Variants in SYT13 observed in about 807,000 individuals in gnomAD.
SYT13 encodes the protein synaptotagmin 13.
SYT13 carries 21 observed loss-of-function variants against 38.6 expected under a neutral mutation model. That is an observed-to-expected ratio of 0.54 (90% CI 0.39 to 0.78). The LOEUF is 0.78. Ranked by LOEUF, SYT13 falls within the 30% of genes least tolerant of loss-of-function variation. The pLI is 0.00. For missense variants in SYT13, 495 were observed against 548.7 expected (o/e 0.90, Z 0.98); for synonymous variants, 241 against 237.6 (o/e 1.01, Z -0.13).
intron 1 of SYT13, among the ~76,000 whole-genome samples, chr11:45,267,498 G>A (rs1854898593): frequency 6.6e-6 from 1 of 152,162 alleles, no homozygotes; most frequent in South Asian, 2.1e-4. Flanking sequence ...TGGGTTCTAG[G>A]TGGAGCCTAA....
Position 45,252,528 on chromosome 11 carries a change from C to A in SYT13, c.739G>T (p.Asp247Tyr), listed in dbSNP as rs771867688. ...GCCACGCTGTGACGGGAGAAGCGGT[C>A]GCAGGTCCTCAAGGTCAGCGTCAGG... ...ATLTLTLRTCDRFSRHSVAGE... is the reference protein window; with the variant it reads ...ATLTLTLRTCYRFSRHSVAGE... The change falls in exon 4 of 6, where the codon GAC (aspartate) becomes TAC (tyrosine). Residue 247 changes from aspartate to tyrosine, a missense_variant. Physicochemically the swap from Asp to Tyr is radical, Grantham distance 160 (BLOSUM62 -3). Transcript: ENST00000020926. The surrounding 1 kb of genome is among the most constrained non-coding windows in gnomAD (Gnocchi z 4.3). The A allele has an allele frequency of 1.9e-6, 3 of 1,614,036 alleles. No individual in the cohort carries two copies. Among genetic ancestry groups the A allele is most frequent in the Non-Finnish European group, 2.5e-6 (3 of 1,180,032 alleles).
At chr11:45,262,454 G>A (rs1046135945) in intron 1 of SYT13, among the ~76,000 whole-genome samples, 6 of 152,226 alleles carry the variant, frequency 3.9e-5, no homozygotes, top group South Asian at 2.1e-4. Flanking sequence ...GGCTGGGCGC[G>A]GTGGCTCATG....
chr11:45,252,706 G>C lies in SYT13; in HGVS notation c.561C>G (p.His187Gln), dbSNP rs200476352. Residue 187 changes from histidine (H) to glutamine (Q), a missense_variant, in exon 4 of 6, where the codon CAC (histidine) becomes CAG (glutamine). His to Gln is a conservative substitution (Grantham distance 24). Coordinates refer to ENST00000020926, the MANE Select transcript of SYT13 (RefSeq NM_020826.3). The surrounding 1 kb of genome is among the most constrained non-coding windows in gnomAD (Gnocchi z 4.3). ...GGACGTAGCAGTCACAGCCTCCGTC[G>C]TGGTTGCTGGTCACAGCTGCAGGCA... The part of the protein sequence containing the change: ...VTRLEAVTSN[H>Q]DGGCDCYVQG... The C allele has an allele frequency of 6.3e-7, 1 of 1,577,790 alleles. No homozygotes were observed. The highest frequency in any genetic ancestry group is 1.7e-5 in the Admixed American group (1 of 57,802).
intron 1 of SYT13, among the ~76,000 whole-genome samples, chr11:45,271,645 G>C (rs1422493150): frequency 6.6e-6 from 1 of 152,218 alleles, no homozygotes; most frequent in Non-Finnish European, 1.5e-5. Flanking sequence ...GTGAGTAGGA[G>C]AATGACATGA....
At position 45,252,727 on chromosome 11, in the gene SYT13, A is replaced by G; in HGVS notation, c.545-5T>C. 1 of 1,563,630 alleles carries G rather than the reference A, an allele frequency of 6.4e-7. No individual in the cohort carries two copies. The highest frequency in any genetic ancestry group is 1.2e-5 in the South Asian group (1 of 84,104). On this transcript the variant is annotated splice_polypyrimidine_tract_variant and splice_region_variant and intron_variant, in intron 3 of 5. Transcript: ENST00000020926. The surrounding 1 kb of genome is among the most constrained non-coding windows in gnomAD (Gnocchi z 4.3). The stretch of plus-strand genomic sequence containing the variant: ...CGTCGTGGTTGCTGGTCACAGCTGC[A>G]GGCAAGGAGAACAACACAGGCGTGG...
At position 45,255,785 on chromosome 11, in the gene SYT13, T is replaced by C. The variant is rs760340667; in HGVS notation, c.290A>G (p.Tyr97Cys). The C allele has an allele frequency of 2.7e-5, 43 of 1,614,066 alleles. No individual in the cohort carries two copies. Among genetic ancestry groups the C allele is most frequent in the Non-Finnish European group, 3.6e-5 (42 of 1,180,040 alleles). The change falls in exon 2 of 6, where the codon TAT becomes TGT. Residue 97 changes from tyrosine (Y) to cysteine (C), a missense_variant. By Grantham distance (194) the Tyr-to-Cys change is radical (BLOSUM62 -2). Transcript: ENST00000020926. ...PAVTAPEVIN[Y>C]ADYSLRSTEE... ...CGTAGACCTCAGTGAATAGTCTGCA[T>C]AGTTGATGACCTCTGGAGCCGTCAC... is the stretch of plus-strand genomic sequence containing the variant.
Position 45,252,586 on chromosome 11 carries a change from G to A in SYT13, c.681C>T (p.Leu227=), listed in dbSNP as rs1328233084. ...LHTTWEEGLV[L]PLAEEELPTA... ...TGGGGAGCTCCTCCTCCGCCAGGGG[G>A]AGCACCAGGCCCTCCTCCCAGGTGG... The change falls in exon 4 of 6, where the codon CTC becomes CTT. Residue 227 remains leucine, a synonymous_variant. Transcript: ENST00000020926. The surrounding 1 kb of genome is among the most constrained non-coding windows in gnomAD (Gnocchi z 4.3). 2.5e-6 allele frequency: 4 copies of A among 1,614,142 alleles called. No individual in the cohort carries two copies. Among genetic ancestry groups the A allele is most frequent in the Non-Finnish European group, 3.4e-6 (4 of 1,180,028 alleles).
Position 45,255,651 on chromosome 11 carries a change from G to C in SYT13, c.409+15C>G, listed in dbSNP as rs568328038. 7.5e-5 allele frequency: 120 copies of C among 1,609,598 alleles called. 1 individual carries two copies. In the South Asian group the frequency reaches 1.3e-3, roughly 17 times the overall value. ...AGTGCTGCCCATGGAAGTGCAGGGGGCAGGAGACCCCTACCATTCTGAGGG... is the reference window on the plus strand; with the variant it reads ...AGTGCTGCCCATGGAAGTGCAGGGGCCAGGAGACCCCTACCATTCTGAGGG... On this transcript the variant is annotated intron_variant, in intron 2 of 5. Transcript: ENST00000020926.
At position 45,276,856 on chromosome 11, in the gene SYT13, TG is replaced by T. The variant is rs527788214; in HGVS notation, c.183+9168del. The stretch of plus-strand genomic sequence containing the variant: ...AAAGCAGTTTAGCGATTCCTCAAAA[TG>T]TTAAATATAGAATTACCATATGACC... On this transcript the variant is annotated intron_variant, in intron 1 of 5. Transcript: ENST00000020926. 1.3e-3 allele frequency among the ~76,000 whole-genome samples: 200 copies of T among 152,326 alleles called. 3 individuals carry two copies. The highest frequency in any genetic ancestry group is 7.0e-3 in the South Asian group (34 of 4,826).
intron 3 of SYT13, 184 bp downstream of exon 3, chr11:45,254,086 T>A (rs1249559994): frequency 1.8e-6 from 1 of 561,518 alleles, no homozygotes; most frequent in Non-Finnish European, 2.7e-6. Context: ...GAATCCCCAC[T>A]TTGGACTGTT....
At chr11:45,250,676 T>C (rs1011281805) in intron 4 of SYT13, among the ~76,000 whole-genome samples, 10 of 152,210 alleles carry the variant, frequency 6.6e-5, no homozygotes, top group Admixed American at 6.5e-5. Context: ...TTGGAACAGC[T>C]GAGTTCCATC....
chr11:45,275,502 G>A (rs972986820), intron 1 of SYT13, among the ~76,000 whole-genome samples: 1 of 152,142 alleles, frequency 6.6e-6, no homozygotes, highest in Non-Finnish European at 1.5e-5. Context: ...ATTATTTTAA[G>A]GGAAAAATTA....
intron 1 of SYT13, among the ~76,000 whole-genome samples, chr11:45,268,696 G>A (rs1181912164): frequency 1.3e-5 from 2 of 152,184 alleles, no homozygotes; most frequent in Non-Finnish European, 2.9e-5. Context: ...GGAGCCCACA[G>A]GCTTTCCAGC....
intron 1 of SYT13, among the ~76,000 whole-genome samples, chr11:45,259,434 C>T (rs1391981099): frequency 6.6e-6 from 1 of 152,200 alleles, no homozygotes; most frequent in East Asian, 1.9e-4. Flanking sequence ...ATGAAGTTCA[C>T]TCTGTGTTGC....
At chr11:45,278,722 G>C (rs1411125715) in intron 1 of SYT13, among the ~76,000 whole-genome samples, 2 of 152,030 alleles carry the variant, frequency 1.3e-5, no homozygotes, top group Non-Finnish European at 2.9e-5. Context: ...GAAGGAACTA[G>C]GGGAGGAAGG....
chr11:45,259,212 G>A (rs1256509549), intron 1 of SYT13, among the ~76,000 whole-genome samples: 1 of 152,140 alleles, frequency 6.6e-6, no homozygotes, highest in Non-Finnish European at 1.5e-5. Flanking sequence ...CTGGGCCTCA[G>A]CACACACCTG....
intron 1 of SYT13, among the ~76,000 whole-genome samples, chr11:45,256,171 G>A (rs1304793674): frequency 2.0e-5 from 3 of 152,072 alleles, no homozygotes; most frequent in African/African-American, 7.2e-5. Flanking sequence ...TGGACCTGCT[G>A]CAGGTGGTCC....
chr11:45,243,150 A>G lies in SYT13; in HGVS notation c.*902T>C, dbSNP rs1363007946. The G allele has an allele frequency of 1.3e-5, 2 of 152,212 alleles. No homozygotes were observed. The highest frequency in any genetic ancestry group is 2.9e-5 in the Non-Finnish European group (2 of 68,028). The allele number at this position is 152,212 out of a possible 1,614,324, so 9.4% of individuals were successfully genotyped here. A position where few individuals can be genotyped will look rare whatever the true frequency, so the allele number is the denominator to read the frequency against. ...ATGACTCACAGGAGATCCCACCTGT[A>G]CTTTGTTAGGGATGGTCTCCCCAAG... On this transcript the variant is annotated 3_prime_UTR_variant, in exon 6 of 6. Transcript: ENST00000020926.
At chr11:45,272,668 C>T (rs2135906465) in intron 1 of SYT13, among the ~76,000 whole-genome samples, 1 of 152,290 alleles carries the variant, frequency 6.6e-6, no homozygotes, top group South Asian at 2.1e-4. Context: ...ATGATTTGAT[C>T]ATGGAAGGTC....
Sources: allele counts gnomAD v4.1 joint callset (sites outside exome capture counted in the v4.1 genomes callset), GRCh38; gene constraint gnomAD v4.1.1; non-coding constraint Gnocchi (gnomAD v3.1); transcripts MANE v1.5; gene names NCBI Gene and HGNC (gene_info 2026-07-23, HGNC 2026-07-21).